Variants in CDH10 observed in about 807,000 individuals in gnomAD.
The protein encoded by CDH10 is cadherin-10.
In CDH10, 30 loss-of-function variants were observed where a neutral mutation model predicts 73.1. That is an observed-to-expected ratio of 0.41 (90% CI 0.31 to 0.56). CDH10 has a LOEUF of 0.56. Ranked by LOEUF, CDH10 falls within the 20% of genes least tolerant of loss-of-function variation. CDH10 has a pLI of 0.27. For synonymous variants in CDH10, 345 were observed against 348.2 expected (o/e 0.99, Z 0.10); for missense variants, 815 against 973.7 (o/e 0.84, Z 2.17).
At chr5:24,585,346 G>T (rs1170354942) in intron 2 of CDH10, among the ~76,000 whole-genome samples, 1 of 151,998 alleles carries the variant, frequency 6.6e-6, no homozygotes, top group Non-Finnish European at 1.5e-5. Context: ...CAATTCCTTG[G>T]AACGTTTTGC....
chr5:24,548,500 T>G (rs1279429774), intron 2 of CDH10, among the ~76,000 whole-genome samples: 1 of 138,536 alleles, frequency 7.2e-6, no homozygotes, highest in African/African-American at 2.6e-5. Flanking sequence ...TTTTTTTTTT[T>G]GGAAACCTCA....
chr5:24,565,018 C>T lies in CDH10; in HGVS notation c.232-27344G>A, dbSNP rs371035872. On this transcript the variant is annotated intron_variant, in intron 2 of 11. Transcript: ENST00000264463. ...AATCCCTGTACAGTAAATTTCCTTACCTCTCCTGACTCTCTACATCAGCTC... is the reference window on the plus strand; with the variant it reads ...AATCCCTGTACAGTAAATTTCCTTATCTCTCCTGACTCTCTACATCAGCTC... Among the ~76,000 whole-genome samples, 8 of 152,264 alleles carry T rather than the reference C, an allele frequency of 5.3e-5. No individual in the cohort carries two copies. The East Asian group carries it at 9.7e-4, about 18-fold the overall frequency.
intron 1 of CDH10, among the ~76,000 whole-genome samples, chr5:24,597,445 A>G (rs1039294546): frequency 6.6e-6 from 1 of 152,118 alleles, no homozygotes. Flanking sequence ...GTAGCCTACT[A>G]CAATGAGGGG....
chr5:24,490,528 A>G (rs1227448807), intron 11 of CDH10, among the ~76,000 whole-genome samples: 2 of 152,140 alleles, frequency 1.3e-5, no homozygotes, highest in African/African-American at 4.8e-5. Context: ...ATCTACCATA[A>G]GTAATTTACC....
At chr5:24,535,435 G>A (rs189307616) in intron 4 of CDH10, among the ~76,000 whole-genome samples, 156 bp from the exon 5 acceptor site, 128 of 152,090 alleles carry the variant, frequency 8.4e-4, no homozygotes, top group African/African-American at 2.7e-3. Flanking sequence ...GTGATTCTGC[G>A]GAAATATCAT....
intron 1 of CDH10, among the ~76,000 whole-genome samples, chr5:24,626,651 C>T (rs1225900250): frequency 6.6e-6 from 1 of 151,732 alleles, no homozygotes; most frequent in Non-Finnish European, 1.5e-5. Context: ...TGGCATACAC[C>T]TGTAATCCCA....
chr5:24,560,484 G>GTT (rs5866672), intron 2 of CDH10, among the ~76,000 whole-genome samples: 2 of 151,990 alleles, frequency 1.3e-5, no homozygotes, highest in South Asian at 2.1e-4. Context: ...AAACTATTGT[G>GTT]TTTTTTCATT....
At chr5:24,585,922 T>C (rs1314645073) in intron 2 of CDH10, among the ~76,000 whole-genome samples, 1 of 152,184 alleles carries the variant, frequency 6.6e-6, no homozygotes, top group Non-Finnish European at 1.5e-5. Context: ...CAAACTAGAT[T>C]TGGTGCTAAG....
At chr5:24,488,823 A>G (rs571197139) in intron 11 of CDH10, among the ~76,000 whole-genome samples, 92 of 140,574 alleles carry the variant, frequency 6.5e-4, no homozygotes, top group East Asian at 4.7e-3. Context: ...TTAGGTTATA[A>G]GATGGCAAAG....
chr5:24,637,869 GT>G, intron 1 of CDH10, among the ~76,000 whole-genome samples: 1 of 151,858 alleles, frequency 6.6e-6, no homozygotes, highest in East Asian at 1.9e-4. Context: ...CCTATGCAAA[GT>G]TTCATTTTGC....
chr5:24,593,121 G>T, intron 2 of CDH10, 139 bp downstream of exon 2: 2 of 543,334 alleles, frequency 3.7e-6, no homozygotes, highest in Non-Finnish European at 6.6e-6. Flanking sequence ...ATTGGAATTC[G>T]TGTTCCATAA....
At chr5:24,507,964 A>G (rs1273683595) in intron 7 of CDH10, among the ~76,000 whole-genome samples, 1 of 152,232 alleles carries the variant, frequency 6.6e-6, no homozygotes, top group Non-Finnish European at 1.5e-5. Flanking sequence ...CATAAAATAC[A>G]TGATTTCACT....
chr5:24,505,745 C>A (rs1453765119), intron 7 of CDH10, among the ~76,000 whole-genome samples: 1 of 152,044 alleles, frequency 6.6e-6, no homozygotes, highest in Non-Finnish European at 1.5e-5. Flanking sequence ...GATATAACAC[C>A]CACGTAGCTT....
At chr5:24,494,896 A>G (rs1419182185) in intron 9 of CDH10, among the ~76,000 whole-genome samples, 2 of 152,150 alleles carry the variant, frequency 1.3e-5, no homozygotes, top group Non-Finnish European at 2.9e-5. Flanking sequence ...GTATATTTTT[A>G]TGACCTTAAG....
At chr5:24,516,822 G>A (rs1743125785) in intron 5 of CDH10, among the ~76,000 whole-genome samples, 1 of 151,300 alleles carries the variant, frequency 6.6e-6, no homozygotes, top group South Asian at 2.1e-4. Flanking sequence ...AATCAAACAA[G>A]TTTCCATATA....
chr5:24,622,683 G>A (rs1281846573), intron 1 of CDH10, among the ~76,000 whole-genome samples: 3 of 152,056 alleles, frequency 2.0e-5, no homozygotes, highest in African/African-American at 4.8e-5. Context: ...GGACAGATGC[G>A]GTATTTATTG....
At chr5:24,511,199 A>G in intron 6 of CDH10, 128 bp downstream of exon 6, 2 of 665,026 alleles carry the variant, frequency 3.0e-6, no homozygotes, top group Non-Finnish European at 2.6e-6. Context: ...TTATGTATGC[A>G]CAGTATAAAT....
chr5:24,527,888 C>CAG (rs547669527), intron 5 of CDH10, among the ~76,000 whole-genome samples: 1 of 151,580 alleles, frequency 6.6e-6, no homozygotes, highest in Non-Finnish European at 1.5e-5. Context: ...GTATCAGAGA[C>CAG]AGAGAGAGAG....
chr5:24,561,902 C>A (rs10472513), intron 2 of CDH10, among the ~76,000 whole-genome samples: 1 of 151,886 alleles, frequency 6.6e-6, no homozygotes, highest in Non-Finnish European at 1.5e-5. Flanking sequence ...CTTCCCACTA[C>A]GAACCATGCA....
Sources: gnomAD v4.1 joint callset for allele counts (sites outside exome capture counted in the v4.1 genomes callset) on GRCh38, gnomAD v4.1.1 for gene constraint, MANE v1.5 for transcripts, NCBI Gene and HGNC (gene_info 2026-07-23, HGNC 2026-07-21) for gene names.